The following EXOC4 variants were observed in gnomAD, a reference collection of about 807,000 sequenced individuals.
EXOC4 encodes exocyst complex component 4.
In EXOC4, 71 loss-of-function variants were observed where a neutral mutation model predicts 107.2. The observed-to-expected ratio is 0.66, with a 90% CI of 0.55 to 0.81. EXOC4 has a LOEUF of 0.81. EXOC4 is among the 30% of genes least tolerant of loss of function. EXOC4 has a pLI of 0.00. For missense variants in EXOC4, 1,108 were observed against 1,189.6 expected, an observed-to-expected ratio of 0.93 and a Z score of 1.01; for synonymous variants, 456 against 441.2, an observed-to-expected ratio of 1.03 and a Z score of -0.42.
intron 10 of EXOC4, among the ~76,000 whole-genome samples, chr7:133,721,183 A>G (rs374832971): frequency 2.4e-4 from 36 of 152,284 alleles, no homozygotes; most frequent in African/African-American, 5.3e-4. Context: ...TTTCATTAAG[A>G]TTATGAAAAA....
In EXOC4 at chr7:133,895,827, A is replaced by G. The variant is rs1317070913; in HGVS notation, c.1871+92A>G. 16 of 1,380,688 alleles carry G rather than the reference A, an allele frequency of 1.2e-5. No individual in the cohort carries two copies. In the East Asian group the frequency reaches 3.0e-4, roughly 26 times the overall value. 85.5% of individuals were successfully genotyped at this position (1,380,688 alleles called of 1,614,324 possible). On this transcript the variant is annotated intron_variant, in intron 12 of 17. Transcript: ENST00000253861. Reference sequence around the variant, plus strand: ...TTGCTTCAATAGCCTAATTTCCAAAAGGATCATCTCTGAGTTTGTCAAGAG... The same window carrying G: ...TTGCTTCAATAGCCTAATTTCCAAAGGGATCATCTCTGAGTTTGTCAAGAG...
chr7:133,914,915 G>A (rs1305107187), intron 12 of EXOC4, among the ~76,000 whole-genome samples: 2 of 152,066 alleles, frequency 1.3e-5, no homozygotes, highest in African/African-American at 2.4e-5. Flanking sequence ...TTCATAGAAG[G>A]AACTTAAAAA....
intron 14 of EXOC4, among the ~76,000 whole-genome samples, chr7:133,940,552 T>C (rs1343376439): frequency 1.3e-5 from 2 of 152,200 alleles, no homozygotes; most frequent in Non-Finnish European, 2.9e-5. Context: ...TGAACTGTAA[T>C]CACTACTTAT....
intron 10 of EXOC4, among the ~76,000 whole-genome samples, chr7:133,784,074 T>A (rs1796519625): frequency 6.6e-6 from 1 of 152,202 alleles, no homozygotes; most frequent in African/African-American, 2.4e-5. Context: ...ATATTACTAA[T>A]TATGTTAATA....
chr7:133,408,207 G>A (rs1048400560), intron 7 of EXOC4, among the ~76,000 whole-genome samples: 2 of 151,544 alleles, frequency 1.3e-5, no homozygotes, highest in African/African-American at 4.8e-5. Context: ...TGATGATGGA[G>A]GTATTGGTGG....
intron 10 of EXOC4, among the ~76,000 whole-genome samples, chr7:133,802,849 CAAAAAA>C (rs59489161): frequency 1.6e-5 from 1 of 64,220 alleles, no homozygotes. Context: ...TCTGTCTCCA[CAAAAAA>C]AAAAAAAAAA....
intron 14 of EXOC4, among the ~76,000 whole-genome samples, chr7:133,949,791 A>G (rs1008369768): frequency 6.6e-6 from 1 of 152,062 alleles, no homozygotes; most frequent in East Asian, 1.9e-4. Flanking sequence ...TCTTATCTCT[A>G]CTTCTTCAGA....
At chr7:133,621,596 C>T (rs1489470775) in intron 9 of EXOC4, among the ~76,000 whole-genome samples, 1 of 152,192 alleles carries the variant, frequency 6.6e-6, no homozygotes, top group African/African-American at 2.4e-5. Flanking sequence ...TCACAATAAT[C>T]CATCATTAGG....
the EXOC4 span, among the ~76,000 whole-genome samples, chr7:134,086,968 G>A: frequency 6.6e-6 from 1 of 152,162 alleles, no homozygotes; most frequent in African/African-American, 2.4e-5. Context: ...ACGACCAGAA[G>A]TCACTCTTCA....
chr7:133,330,145 A>G (rs758922872), intron 5 of EXOC4, among the ~76,000 whole-genome samples: 9 of 152,058 alleles, frequency 5.9e-5, no homozygotes, highest in East Asian at 5.8e-4. Flanking sequence ...TAGAGAGGCA[A>G]TCTGGCCACA....
Position 133,565,729 on chromosome 7 carries a change from A to G in EXOC4, c.1418-64316A>G, listed in dbSNP as rs80248884. Among the ~76,000 whole-genome samples the G allele has an allele frequency of 2.2e-3, 334 of 152,272 alleles. 1 individual carries two copies. Among genetic ancestry groups the G allele is most frequent in the African/African-American group, 7.3e-3 (303 of 41,558 alleles). ...AATTCATTGTTTATCTGAAGTTTGA[A>G]TCTTCTGGGTTTTTGTTTTTGTTTG... On this transcript the variant is annotated intron_variant, in intron 9 of 17. Coordinates refer to ENST00000253861, the MANE Select transcript of EXOC4 (RefSeq NM_021807.4).
intron 7 of EXOC4, among the ~76,000 whole-genome samples, chr7:133,388,010 C>CAA (rs146204953): frequency 4.1e-5 from 6 of 147,506 alleles, no homozygotes; most frequent in Admixed American, 6.7e-5. Context: ...TTACCAAAAA[C>CAA]AAAAAAAAAA....
At chr7:133,578,506 T>A (rs1469894964) in intron 9 of EXOC4, among the ~76,000 whole-genome samples, 1 of 152,180 alleles carries the variant, frequency 6.6e-6, no homozygotes, top group Non-Finnish European at 1.5e-5. Context: ...ATAACATGAT[T>A]TTAAAATATA....
intron 12 of EXOC4, among the ~76,000 whole-genome samples, chr7:133,906,793 G>A (rs1044570658): frequency 2.0e-5 from 3 of 152,178 alleles, no homozygotes; most frequent in Non-Finnish European, 2.9e-5. Flanking sequence ...GCCTATTGCC[G>A]CCCCCGATCG....
At chr7:133,795,443 C>T (rs1269867087) in intron 10 of EXOC4, among the ~76,000 whole-genome samples, 1 of 152,130 alleles carries the variant, frequency 6.6e-6, no homozygotes, top group African/African-American at 2.4e-5. Context: ...CTCTGAGCAA[C>T]TAGGAAAACT....
At chr7:134,028,419 CAATTACTATCAA>C (rs1001337979) in intron 17 of EXOC4, among the ~76,000 whole-genome samples, 3 of 152,150 alleles carry the variant, frequency 2.0e-5, no homozygotes, top group African/African-American at 7.2e-5. Flanking sequence ...AATTATAACA[CAATTACTATCAA>C]AATTCTACTA....
chr7:133,281,458 A>G (rs1372788874), intron 2 of EXOC4, among the ~76,000 whole-genome samples: 1 of 151,388 alleles, frequency 6.6e-6, no homozygotes, highest in Non-Finnish European at 1.5e-5. Context: ...TTTCGCCAAC[A>G]AAATTCAACA....
At chr7:133,377,018 CTT>C (rs1796505320) in intron 7 of EXOC4, among the ~76,000 whole-genome samples, 1 of 152,172 alleles carries the variant, frequency 6.6e-6, no homozygotes, top group Non-Finnish European at 1.5e-5. Context: ...AAATGTGACT[CTT>C]AACCAGAATG....
At chr7:133,884,769 AGTT>A (rs771693453) in intron 11 of EXOC4, among the ~76,000 whole-genome samples, 1 of 152,168 alleles carries the variant, frequency 6.6e-6, no homozygotes, top group Non-Finnish European at 1.5e-5. Context: ...GGCAAACTAA[AGTT>A]GTTTTGCTTT....
Sources: allele counts gnomAD v4.1 joint callset (sites outside exome capture counted in the v4.1 genomes callset), GRCh38; gene constraint gnomAD v4.1.1; transcripts MANE v1.5; gene names NCBI Gene and HGNC (gene_info 2026-07-23, HGNC 2026-07-21).